OPCML: variants seen among roughly 807,000 people sequenced by gnomAD.
OPCML encodes opioid binding protein/cell adhesion molecule like.
In OPCML, 13 loss-of-function variants were observed where a neutral mutation model predicts 37.8. The ratio of observed to expected loss-of-function variants is 0.34; its 90% confidence interval spans 0.22 to 0.55. OPCML has a LOEUF of 0.55. Ranked by LOEUF, OPCML falls within the 20% of genes least tolerant of loss-of-function variation. The pLI is 0.91. For synonymous variants in OPCML, 176 were observed against 168.8 expected, an observed-to-expected ratio of 1.04 and a Z score of -0.33; for missense variants, 341 against 435.6, an observed-to-expected ratio of 0.78 and a Z score of 1.93.
intron 1 of OPCML, among the ~76,000 whole-genome samples, chr11:133,159,008 A>G (rs1451773429): frequency 1.3e-5 from 2 of 152,204 alleles, no homozygotes; most frequent in African/African-American, 4.8e-5. Context: ...CTTGTTAATA[A>G]GATGAGTGAA....
rs1945014247 is a variant in OPCML, at chr11:132,926,939, A to C, written c.146+15987T>G. ...AACAAATTCTAGAGCTGAAAAATACATCAGATTTGAACAAGCAGAAAAAAC... is the reference window on the plus strand; with the variant it reads ...AACAAATTCTAGAGCTGAAAAATACCTCAGATTTGAACAAGCAGAAAAAAC... On this transcript the variant is annotated intron_variant, in intron 2 of 7. Coordinates refer to ENST00000524381, the MANE Select transcript of OPCML (RefSeq NM_001012393.5). Among the ~76,000 whole-genome samples, 3 of 152,172 alleles carry C rather than the reference A, an allele frequency of 2.0e-5. No homozygotes were observed. The South Asian group carries it at 6.2e-4, about 32-fold the overall frequency.
chr11:133,024,824 G>T (rs1262026349), intron 1 of OPCML: 5 of 985,308 alleles, frequency 5.1e-6, no homozygotes, highest in Non-Finnish European at 6.0e-6. Context: ...CACTGCCTGG[G>T]TGACCTGGTG....
At chr11:132,471,027 G>A (rs1361917596) in intron 4 of OPCML, among the ~76,000 whole-genome samples, 2 of 152,196 alleles carry the variant, frequency 1.3e-5, no homozygotes, top group Admixed American at 6.5e-5. Context: ...GACAATGTGA[G>A]GTCCTAGAAG....
At chr11:133,453,395 A>G (rs1379133394) in intron 1 of OPCML, among the ~76,000 whole-genome samples, 4 of 152,236 alleles carry the variant, frequency 2.6e-5, no homozygotes. Flanking sequence ...ACTCTGACGG[A>G]AGAAATAAAA....
rs924866279 is a variant in OPCML, at chr11:133,282,541, C to T, written c.61+249723G>A. ...CAGGGGTGGAGCACTCACAGAGAAC[C>T]ACCACTAGGGCAGTGCAGAGGGAGG... On this transcript the variant is annotated intron_variant, in intron 1 of 7. Coordinates refer to ENST00000524381, the MANE Select transcript of OPCML (RefSeq NM_001012393.5). Among the ~76,000 whole-genome samples, 7 of 152,334 alleles carry T rather than the reference C, an allele frequency of 4.6e-5. No homozygotes were observed. In the South Asian group the frequency reaches 8.3e-4, roughly 18 times the overall value.
chr11:132,680,151 T>C (rs996283136), intron 2 of OPCML, among the ~76,000 whole-genome samples: 1 of 152,280 alleles, frequency 6.6e-6, no homozygotes, highest in South Asian at 2.1e-4. Context: ...TGGAGCTGAG[T>C]GGCCGTGATC....
At chr11:133,107,069 T>G (rs1342234502) in intron 1 of OPCML, among the ~76,000 whole-genome samples, 1 of 152,212 alleles carries the variant, frequency 6.6e-6, no homozygotes, top group Admixed American at 6.5e-5. Context: ...GAATAATACT[T>G]GGATCAACAG....
At chr11:132,490,716 G>A (rs1437973203) in intron 4 of OPCML, among the ~76,000 whole-genome samples, 1 of 151,812 alleles carries the variant, frequency 6.6e-6, no homozygotes, top group Non-Finnish European at 1.5e-5. Flanking sequence ...CTACTCGAGA[G>A]GCTGGGGCAG....
rs1943152249 is a variant in OPCML, at chr11:133,314,358, C to T, written c.61+217906G>A. ...AGAACCTTCTAAACATCCTTCTAAA[C>T]TTCATGTCAAAATTAGACAATTTGA... On this transcript the variant is annotated intron_variant, in intron 1 of 7. Transcript: ENST00000524381. 1.3e-5 allele frequency among the ~76,000 whole-genome samples: 2 copies of T among 149,058 alleles called. 1 individual carries two copies. Among genetic ancestry groups the T allele is most frequent in the South Asian group, 4.3e-4 (2 of 4,626 alleles).
chr11:133,392,766 G>T (rs1382266388), intron 1 of OPCML, among the ~76,000 whole-genome samples: 1 of 152,192 alleles, frequency 6.6e-6, no homozygotes, highest in Non-Finnish European at 1.5e-5. Flanking sequence ...TCCATACATT[G>T]CAAAATGTGC....
Position 132,528,824 on chromosome 11 carries a change from T to C in OPCML, c.505+237A>G, listed in dbSNP as rs532015764. 4.5e-4 allele frequency among the ~76,000 whole-genome samples: 68 copies of C among 152,340 alleles called. 1 individual carries two copies. The South Asian group carries it at 0.01, about 23-fold the overall frequency. ...TTATTCTTATGTCCTTTGTTCTTCATAGTTTGGAAAACAAAAGCCATCTAA... is the reference window on the plus strand; with the variant it reads ...TTATTCTTATGTCCTTTGTTCTTCACAGTTTGGAAAACAAAAGCCATCTAA... On this transcript the variant is annotated intron_variant, in intron 4 of 7. Transcript: ENST00000524381.
intron 4 of OPCML, among the ~76,000 whole-genome samples, chr11:132,446,478 C>A (rs1306171321): frequency 6.6e-6 from 1 of 151,976 alleles, no homozygotes; most frequent in East Asian, 1.9e-4. Flanking sequence ...AAGTCGCTAG[C>A]ATTTTTATTC....
intron 2 of OPCML, among the ~76,000 whole-genome samples, chr11:132,812,124 G>A (rs1412304794): frequency 6.6e-6 from 1 of 152,080 alleles, no homozygotes; most frequent in African/African-American, 2.4e-5. Context: ...CCCAACCTTA[G>A]AGAATCACAA....
chr11:132,991,848 T>C (rs1358841401), intron 1 of OPCML, among the ~76,000 whole-genome samples: 4 of 152,228 alleles, frequency 2.6e-5, no homozygotes, highest in Admixed American at 2.6e-4. Context: ...GTGAAATACC[T>C]GGAAAATGTT....
chr11:132,842,212 G>T (rs1941324837), intron 2 of OPCML, among the ~76,000 whole-genome samples: 1 of 152,104 alleles, frequency 6.6e-6, no homozygotes, highest in Non-Finnish European at 1.5e-5. Context: ...CACCGATGTA[G>T]CCACCTAGAG....
chr11:132,470,358 G>C (rs1340554278), intron 4 of OPCML, among the ~76,000 whole-genome samples: 1 of 152,238 alleles, frequency 6.6e-6, no homozygotes, highest in Non-Finnish European at 1.5e-5. Flanking sequence ...GAAGAATTAA[G>C]AATGACACCT....
chr11:133,174,820 A>G lies in OPCML; in HGVS notation c.62-231810T>C, dbSNP rs76058939. 5.0e-4 allele frequency among the ~76,000 whole-genome samples: 76 copies of G among 152,304 alleles called. 2 individuals carry two copies. The East Asian group carries it at 0.014, about 28-fold the overall frequency. On this transcript the variant is annotated intron_variant, in intron 1 of 7. Transcript: ENST00000524381. This position sits in a 1 kb window ranked among gnomAD's most constrained non-coding sequence, Gnocchi z 4.6. ...TGAGTGTATACTTCGTGTGCACTAGAAAAAGAGTACTTTAAAATAACCTGT... is the reference window on the plus strand; with the variant it reads ...TGAGTGTATACTTCGTGTGCACTAGGAAAAGAGTACTTTAAAATAACCTGT...
chr11:133,154,362 C>T (rs964951612), intron 1 of OPCML, among the ~76,000 whole-genome samples: 4 of 152,038 alleles, frequency 2.6e-5, no homozygotes, highest in African/African-American at 9.7e-5. Flanking sequence ...AATAAAAGTG[C>T]ATGTTTTAGT....
intron 3 of OPCML, among the ~76,000 whole-genome samples, chr11:132,617,849 G>T (rs1939135328): frequency 6.6e-6 from 1 of 152,166 alleles, no homozygotes. Flanking sequence ...CTAACCTTAT[G>T]AACCCATTTA....
Sources: allele counts gnomAD v4.1 joint callset (sites outside exome capture counted in the v4.1 genomes callset), GRCh38; gene constraint gnomAD v4.1.1; non-coding constraint Gnocchi (gnomAD v3.1); transcripts MANE v1.5; gene names NCBI Gene and HGNC (gene_info 2026-07-23, HGNC 2026-07-21).